FAM168A: variants seen among roughly 807,000 people sequenced by gnomAD.
FAM168A encodes the protein family with sequence similarity 168 member A, also known as protein FAM168A.
A neutral mutation model predicts 28.5 loss-of-function variants in FAM168A; 3 were observed. The observed-to-expected ratio is 0.11, with a 90% CI of 0.05 to 0.27. FAM168A has a LOEUF of 0.27. FAM168A is among the 10% of genes least tolerant of loss of function. The pLI is 1.00. For synonymous variants in FAM168A, 122 were observed against 124.2 expected (o/e 0.98, Z 0.12); for missense variants, 222 against 311.5 (o/e 0.71, Z 2.16).
chr11:73,417,233 G>A (rs920782212), intron 4 of FAM168A, among the ~76,000 whole-genome samples: 4 of 152,204 alleles, frequency 2.6e-5, no homozygotes, highest in African/African-American at 9.7e-5. Flanking sequence ...CTTGCTGAGA[G>A]ATAAGGAGTC....
At chr11:73,503,717 G>A (rs566511730) in intron 1 of FAM168A, among the ~76,000 whole-genome samples, 1 of 152,266 alleles carries the variant, frequency 6.6e-6, no homozygotes. Flanking sequence ...AAAGAACAAA[G>A]CTGGAGGCAT....
At chr11:73,452,392 C>T (rs1400034541) in intron 2 of FAM168A, 1 of 152,498 alleles carries the variant, frequency 6.6e-6, no homozygotes, top group Non-Finnish European at 1.5e-5. Context: ...GAGTTGTGCC[C>T]TGTCCTTCCT....
chr11:73,570,458 T>C (rs1944073001), intron 1 of FAM168A, among the ~76,000 whole-genome samples: 1 of 152,170 alleles, frequency 6.6e-6, no homozygotes, highest in Admixed American at 6.5e-5. Context: ...AGAAAAATTT[T>C]AGACTGGACA....
chr11:73,596,824 C>T (rs1252898529), intron 1 of FAM168A, among the ~76,000 whole-genome samples: 2 of 152,128 alleles, frequency 1.3e-5, no homozygotes, highest in Non-Finnish European at 2.9e-5. Context: ...CCTTAAATTT[C>T]CCCTGTGCCA....
chr11:73,528,363 C>T (rs1272770619), intron 1 of FAM168A, among the ~76,000 whole-genome samples: 3 of 152,128 alleles, frequency 2.0e-5, no homozygotes, highest in African/African-American at 7.2e-5. Context: ...TGGGAGTGTA[C>T]AGATATCCCA....
chr11:73,449,843 G>A (rs1827189762), intron 2 of FAM168A, among the ~76,000 whole-genome samples: 1 of 152,214 alleles, frequency 6.6e-6, no homozygotes. Context: ...GACCTTTGGA[G>A]GTAACAAGAA....
intron 1 of FAM168A, among the ~76,000 whole-genome samples, chr11:73,595,367 A>G (rs1176752255): frequency 6.6e-6 from 1 of 152,204 alleles, no homozygotes; most frequent in Non-Finnish European, 1.5e-5. Context: ...AAAAGATTCT[A>G]AATGGTATTT....
At chr11:73,583,483 G>GATACAACT (rs1365774073) in intron 1 of FAM168A, among the ~76,000 whole-genome samples, 1 of 152,166 alleles carries the variant, frequency 6.6e-6, no homozygotes, top group African/African-American at 2.4e-5. Flanking sequence ...AGGATGATCA[G>GATACAACT]ATACAACTCC....
At chr11:73,498,894 G>T (rs1281339894) in intron 1 of FAM168A, among the ~76,000 whole-genome samples, 2 of 152,152 alleles carry the variant, frequency 1.3e-5, no homozygotes, top group African/African-American at 2.4e-5. Flanking sequence ...AGCGGGGACG[G>T]GTAGCCATAG....
chr11:73,491,723 A>G (rs1369194234), intron 1 of FAM168A, among the ~76,000 whole-genome samples: 1 of 152,224 alleles, frequency 6.6e-6, no homozygotes, highest in Non-Finnish European at 1.5e-5. Flanking sequence ...TAACCCAGCT[A>G]TAGTCTAAGA....
intron 2 of FAM168A, among the ~76,000 whole-genome samples, chr11:73,460,582 C>T (rs950809435): frequency 1.5e-4 from 22 of 148,976 alleles, no homozygotes; most frequent in African/African-American, 4.2e-4. Context: ...CAGCTCACTG[C>T]AACCTCTGCT....
intron 1 of FAM168A, among the ~76,000 whole-genome samples, chr11:73,542,124 A>G (rs1368928843): frequency 3.9e-5 from 6 of 152,136 alleles, no homozygotes; most frequent in African/African-American, 1.4e-4. Flanking sequence ...CTTTGCTCTA[A>G]GTACACACAT....
At chr11:73,509,109 T>C (rs184356227) in intron 1 of FAM168A, among the ~76,000 whole-genome samples, 9 of 152,330 alleles carry the variant, frequency 5.9e-5, no homozygotes, top group Non-Finnish European at 8.8e-5. Context: ...TATGTCTTTA[T>C]TGGCAGTGTG....
intron 1 of FAM168A, among the ~76,000 whole-genome samples, chr11:73,478,984 A>T (rs1220025699): frequency 6.6e-6 from 1 of 152,206 alleles, no homozygotes; most frequent in Non-Finnish European, 1.5e-5. Context: ...TCCCAGGAAT[A>T]GTTAGGTGTG....
At chr11:73,468,301 T>C in intron 2 of FAM168A, 104 bp downstream of exon 2, 1 of 1,075,746 alleles carries the variant, frequency 9.3e-7, no homozygotes, top group Non-Finnish European at 1.4e-6. Context: ...GTTCCCAAAC[T>C]TTCCCAAGAC....
chr11:73,553,216 T>C (rs866107614), intron 1 of FAM168A, among the ~76,000 whole-genome samples: 1 of 152,152 alleles, frequency 6.6e-6, no homozygotes, highest in Admixed American at 6.5e-5. Context: ...AAACTAATTC[T>C]AGATTTTTTT....
intron 1 of FAM168A, among the ~76,000 whole-genome samples, chr11:73,561,946 CT>C (rs1298644804): frequency 6.8e-5 from 10 of 146,930 alleles, no homozygotes; most frequent in Admixed American, 1.4e-4. Flanking sequence ...GGAGGATTTT[CT>C]TTTTTTTTTT....
intron 6 of FAM168A, among the ~76,000 whole-genome samples, chr11:73,409,235 G>A (rs1190285591): frequency 6.6e-6 from 1 of 152,036 alleles, no homozygotes; most frequent in African/African-American, 2.4e-5. Flanking sequence ...TGTTCTTTCT[G>A]CACCACCCTT....
intron 2 of FAM168A, among the ~76,000 whole-genome samples, chr11:73,433,907 G>A (rs1279220312): frequency 1.4e-5 from 2 of 141,632 alleles, no homozygotes; most frequent in African/African-American, 2.7e-5. Context: ...GTGCAGTGGC[G>A]CTGTATTGGC....
Sources: allele counts gnomAD v4.1 joint callset (sites outside exome capture counted in the v4.1 genomes callset), GRCh38; gene constraint gnomAD v4.1.1; transcripts MANE v1.5; gene names NCBI Gene and HGNC (gene_info 2026-07-23, HGNC 2026-07-21).